EYS: variants seen among roughly 807,000 people sequenced by gnomAD.
The protein encoded by EYS is protein eyes shut homolog.
EYS carries 250 observed loss-of-function variants against 282.1 expected under a neutral mutation model. The observed-to-expected ratio is 0.89, with a 90% CI of 0.80 to 0.98. The LOEUF (loss-of-function observed/expected upper bound fraction) is 0.98, where lower values mean the gene tolerates loss of function less well. Among genes scored for constraint, EYS ranks in the 50% least tolerant of loss-of-function variants. The pLI is 0.00. For synonymous variants in EYS, 1,355 were observed against 1,282.9 expected (o/e 1.06, Z -1.20); for missense variants, 4,016 against 3,709.0 (o/e 1.08, Z -2.15).
chr6:64,632,461 C>T (rs7740016), intron 22 of EYS, among the ~76,000 whole-genome samples: 89,900 of 151,854 alleles, frequency 0.59, 26,789 homozygotes, highest in South Asian at 0.68. Flanking sequence ...AAAATTTTGA[C>T]GGTTTGGAAT....
intron 22 of EYS, among the ~76,000 whole-genome samples, chr6:64,751,587 T>C (rs1240416139): frequency 6.6e-6 from 1 of 152,214 alleles, no homozygotes; most frequent in East Asian, 1.9e-4. Flanking sequence ...TAGCACAGAC[T>C]AGCCCATTGC....
chr6:64,744,231 C>T (rs543823987), intron 22 of EYS, among the ~76,000 whole-genome samples: 1 of 152,200 alleles, frequency 6.6e-6, no homozygotes, highest in South Asian at 2.1e-4. Flanking sequence ...GTAAAGAAAT[C>T]AGAAAATGGG....
intron 22 of EYS, among the ~76,000 whole-genome samples, chr6:64,675,428 C>CTTTTTTTTTTTTTTTTTTTTTTTTTT (rs56346431): frequency 8.7e-6 from 1 of 114,626 alleles, no homozygotes; most frequent in Non-Finnish European, 1.7e-5. Flanking sequence ...CTTTTTTTTT[C>CTTTTTTTTTTTTTTTTTTTTTTTTTT]TTTTTTTTTT....
intron 33 of EYS, among the ~76,000 whole-genome samples, chr6:64,018,924 G>A (rs11962699): frequency 0.014 from 2,168 of 151,960 alleles, 45 homozygotes; most frequent in African/African-American, 0.049. Context: ...ACAGGCGCAT[G>A]CCATCATGCC....
intron 29 of EYS, among the ~76,000 whole-genome samples, 185 bp downstream of exon 29, chr6:64,388,505 T>C (rs903364014): frequency 2.0e-5 from 3 of 152,168 alleles, no homozygotes; most frequent in African/African-American, 7.2e-5. Flanking sequence ...AAACTTCTAT[T>C]ATACTTTGGT....
intron 22 of EYS, among the ~76,000 whole-genome samples, chr6:64,751,927 C>T (rs1772771222): frequency 6.6e-6 from 1 of 152,098 alleles, no homozygotes; most frequent in Admixed American, 6.5e-5. Context: ...GCACCCAGAA[C>T]CAAAGCCAAA....
intron 26 of EYS, among the ~76,000 whole-genome samples, chr6:64,567,991 A>G (rs2149815571): frequency 6.6e-6 from 1 of 152,346 alleles, no homozygotes; most frequent in South Asian, 2.1e-4. Context: ...GATTGTGGGA[A>G]CACAAATGGA....
chr6:64,388,746 G>A lies in EYS; in HGVS notation c.6022C>T (p.Pro2008Ser). Residue 2008 changes from proline (P) to serine (S), a missense_variant, in exon 29 of 43, where the codon CCA becomes TCA. Physicochemically the swap from Pro to Ser is moderately conservative, Grantham distance 74 (BLOSUM62 -1). Transcript: ENST00000503581. ...CCAATGAAGACAGATCCTGATTTTG[G>A]CAGGGGTTTTCCGAGTACATGATTG... ...SINHVLGKPLPKSGSVFIGGF... is the reference protein window; with the variant it reads ...SINHVLGKPLSKSGSVFIGGF... 1 of 1,544,958 alleles carries A rather than the reference G, an allele frequency of 6.5e-7. No individual in the cohort carries two copies. The highest frequency in any genetic ancestry group is 8.7e-7 in the Non-Finnish European group (1 of 1,143,792).
intron 14 of EYS, among the ~76,000 whole-genome samples, chr6:64,970,599 A>G (rs998718621): frequency 6.6e-6 from 1 of 152,158 alleles, no homozygotes; most frequent in African/African-American, 2.4e-5. Flanking sequence ...TCTCCAAGTG[A>G]GCAGTTATCT....
At chr6:65,372,970 A>C (rs1765220000) in intron 8 of EYS, among the ~76,000 whole-genome samples, 1 of 152,164 alleles carries the variant, frequency 6.6e-6, no homozygotes, top group Non-Finnish European at 1.5e-5. Context: ...TGCATATTAA[A>C]AAAGAAATAT....
intron 28 of EYS, among the ~76,000 whole-genome samples, chr6:64,419,022 A>T (rs777441434): frequency 2.0e-5 from 3 of 151,972 alleles, no homozygotes; most frequent in African/African-American, 7.3e-5. Flanking sequence ...ATGCAAGATC[A>T]AATAGAACAG....
At chr6:64,025,219 C>T (rs1228059531) in intron 33 of EYS, among the ~76,000 whole-genome samples, 1 of 152,014 alleles carries the variant, frequency 6.6e-6, no homozygotes, top group Non-Finnish European at 1.5e-5. Flanking sequence ...TCTAACAACC[C>T]CCAACTCTTT....
intron 10 of EYS, among the ~76,000 whole-genome samples, chr6:65,343,745 G>A (rs979538193): frequency 2.0e-5 from 3 of 151,272 alleles, no homozygotes; most frequent in Non-Finnish European, 4.4e-5. Flanking sequence ...AATCACAACT[G>A]TATCTGAGAG....
rs147563941 is a variant in EYS at position 63,967,432 on chromosome 6, T to A, written c.7055+16951A>T. Among the ~76,000 whole-genome samples the A allele has an allele frequency of 1.7e-3, 259 of 152,326 alleles. 3 individuals carry two copies. The East Asian group carries it at 0.042, about 25-fold the overall frequency. On this transcript the variant is annotated intron_variant, in intron 35 of 42. Coordinates refer to ENST00000503581, the MANE Select transcript of EYS (RefSeq NM_001142800.2). The stretch of plus-strand genomic sequence containing the variant: ...GTTAATGGACAATAGAATATATTTT[T>A]AAAACTGTGGTATAGCCACATATTA...
At chr6:63,801,539 A>G (rs1770782587) in intron 37 of EYS, among the ~76,000 whole-genome samples, 1 of 152,204 alleles carries the variant, frequency 6.6e-6, no homozygotes, top group Non-Finnish European at 1.5e-5. Flanking sequence ...AGGGGAAGTC[A>G]TGTATTCATC....
intron 22 of EYS, among the ~76,000 whole-genome samples, chr6:64,799,950 A>G (rs998841293): frequency 6.6e-6 from 1 of 151,888 alleles, no homozygotes; most frequent in African/African-American, 2.4e-5. Flanking sequence ...ACATGCCCAC[A>G]CACAAATATA....
chr6:64,839,496 A>AAATAGTTTTTAACATAGTTT (rs1270079473), intron 19 of EYS, among the ~76,000 whole-genome samples: 12 of 152,062 alleles, frequency 7.9e-5, no homozygotes, highest in African/African-American at 2.9e-4. Flanking sequence ...TAAGACACTG[A>AAATAGTTTTTAACATAGTTT]TACAAAATAG....
intron 31 of EYS, among the ~76,000 whole-genome samples, chr6:64,199,424 A>C (rs186043962): frequency 5.9e-5 from 9 of 152,346 alleles, no homozygotes; most frequent in East Asian, 3.9e-4. Flanking sequence ...CCTTATACAA[A>C]AATTAAAATG....
At chr6:64,901,739 T>C (rs1767671401) in intron 18 of EYS, among the ~76,000 whole-genome samples, 2 of 152,098 alleles carry the variant, frequency 1.3e-5, no homozygotes, top group Admixed American at 1.3e-4. Context: ...ATATATTTAA[T>C]ATTAAATATT....
Sources: gnomAD v4.1 joint callset for allele counts (sites outside exome capture counted in the v4.1 genomes callset) on GRCh38, gnomAD v4.1.1 for gene constraint, MANE v1.5 for transcripts, NCBI Gene and HGNC (gene_info 2026-07-23, HGNC 2026-07-21) for gene names.